Variants in ATP8B4 observed in about 807,000 individuals in gnomAD.
ATP8B4 encodes probable phospholipid-transporting ATPase IM.
ATP8B4 carries 133 observed loss-of-function variants against 145.6 expected under a neutral mutation model. That is an observed-to-expected ratio of 0.91 (90% CI 0.79 to 1.05). The LOEUF (loss-of-function observed/expected upper bound fraction) is 1.05, where lower values mean the gene tolerates loss of function less well. Ranked by LOEUF, ATP8B4 falls within the 50% of genes least tolerant of loss-of-function variation. ATP8B4 has a pLI of 0.00. For missense variants in ATP8B4, 1,458 were observed against 1,425.2 expected (o/e 1.02, Z -0.37); for synonymous variants, 507 against 492.9 (o/e 1.03, Z -0.38).
In ATP8B4 at chr15:50,144,373, A is replaced by G. The variant is rs557040255; in HGVS notation, c.-42-37365T>C. Among the ~76,000 whole-genome samples the G allele has an allele frequency of 9.8e-5, 15 of 152,354 alleles. No homozygotes were observed. In the South Asian group the frequency reaches 3.1e-3, roughly 32 times the overall value. ...TGTAAAGAAATACCTGAGACTGGGT[A>G]ATTTGTAAAGAAAAGAGGTTTGATT... is the stretch of plus-strand genomic sequence containing the variant. On this transcript the variant is annotated intron_variant, in intron 1 of 3. Coordinates refer to the ATP8B4 transcript ENST00000558829.
chr15:49,914,807 A>T (rs1446578238), intron 20 of ATP8B4, among the ~76,000 whole-genome samples: 2 of 152,176 alleles, frequency 1.3e-5, no homozygotes, highest in South Asian at 2.1e-4. Flanking sequence ...TTAAATAAAT[A>T]AATTAATAAA....
chr15:49,908,147 A>G (rs1328564289), intron 20 of ATP8B4: 2 of 455,180 alleles, frequency 4.4e-6, no homozygotes, highest in Non-Finnish European at 8.8e-6. Context: ...TGTACTGCCT[A>G]CAATACTCTT....
intron 26 of ATP8B4, 67 bp from the exon 27 acceptor site, chr15:49,862,442 C>T (rs2032002306): frequency 1.4e-6 from 2 of 1,479,174 alleles, no homozygotes; most frequent in African/African-American, 2.8e-5. Context: ...TTAATAGGTT[C>T]TTTGTTCCTA....
intron 13 of ATP8B4, among the ~76,000 whole-genome samples, chr15:49,963,931 C>G (rs2044309530): frequency 6.6e-6 from 1 of 152,008 alleles, no homozygotes; most frequent in Admixed American, 6.6e-5. Context: ...TTACTTGAAT[C>G]AACCTGTGCC....
chr15:50,019,744 CTTTA>C (rs2049382164), intron 6 of ATP8B4, among the ~76,000 whole-genome samples: 1 of 152,156 alleles, frequency 6.6e-6, no homozygotes, highest in Admixed American at 6.5e-5. Context: ...TCAGTCTTCA[CTTTA>C]TTTATCACAG....
chr15:50,016,098 C>T (rs1267836790), intron 6 of ATP8B4, among the ~76,000 whole-genome samples: 3 of 152,200 alleles, frequency 2.0e-5, no homozygotes, highest in Non-Finnish European at 2.9e-5. Context: ...GAAATAGACA[C>T]ACAATTTAGT....
At chr15:49,899,572 T>C (rs1303293682) in intron 21 of ATP8B4, among the ~76,000 whole-genome samples, 1 of 152,168 alleles carries the variant, frequency 6.6e-6, no homozygotes, top group East Asian at 1.9e-4. Flanking sequence ...CATTTTCAAA[T>C]ATTACCACTC....
At chr15:50,119,435 GA>G, upstream of ATP8B4, 1 of 152,482 alleles carries the variant, frequency 6.6e-6, no homozygotes, top group Non-Finnish European at 1.5e-5. Flanking sequence ...AATTGAGGGA[GA>G]AAAGCACTCC....
chr15:50,010,739 A>G, intron 7 of ATP8B4, 106 bp downstream of exon 7: 1 of 663,552 alleles, frequency 1.5e-6, no homozygotes, highest in South Asian at 2.7e-5. Flanking sequence ...ACTGATGATA[A>G]TTATTCTGGA....
intron 23 of ATP8B4, among the ~76,000 whole-genome samples, chr15:49,889,678 A>G (rs920141993): frequency 4.6e-5 from 7 of 152,324 alleles, no homozygotes; most frequent in African/African-American, 7.2e-5. Context: ...AGGATGGGGC[A>G]TTGGCTGGAA....
At chr15:50,157,763 T>C (rs1356563997) in intron 1 of ATP8B4, among the ~76,000 whole-genome samples, 11 of 152,012 alleles carry the variant, frequency 7.2e-5, no homozygotes, top group African/African-American at 2.2e-4. Flanking sequence ...CTCCCCACGG[T>C]CTCCCTCTCC....
intron 1 of ATP8B4, among the ~76,000 whole-genome samples, chr15:50,156,064 AAAT>A (rs1466466487): frequency 0.035 from 835 of 23,550 alleles, 33 homozygotes; most frequent in African/African-American, 0.082. Flanking sequence ...GGTAATAAAT[AAAT>A]AAATAAATAT....
At chr15:50,152,735 A>T (rs1423867753) in intron 1 of ATP8B4, among the ~76,000 whole-genome samples, 1 of 152,236 alleles carries the variant, frequency 6.6e-6, no homozygotes, top group East Asian at 1.9e-4. Context: ...CAGAGCGATA[A>T]TCAAAAGATT....
intron 20 of ATP8B4, among the ~76,000 whole-genome samples, chr15:49,905,234 T>G (rs2153436832): frequency 6.6e-6 from 1 of 152,344 alleles, no homozygotes; most frequent in Middle Eastern, 3.4e-3. Flanking sequence ...TATGAAATAA[T>G]CTAAGCACAT....
intron 8 of ATP8B4, among the ~76,000 whole-genome samples, chr15:50,000,640 C>A (rs984207682): frequency 1.3e-5 from 2 of 152,028 alleles, no homozygotes; most frequent in African/African-American, 4.8e-5. Context: ...ATATTTTCTT[C>A]CAGTCTGTAA....
chr15:50,032,944 A>G (rs2050561523), intron 6 of ATP8B4, among the ~76,000 whole-genome samples: 1 of 152,186 alleles, frequency 6.6e-6, no homozygotes, highest in South Asian at 2.1e-4. Context: ...GCTTTTATAA[A>G]GGAAAAAAAT....
chr15:49,892,611 G>A (rs2036951134), intron 23 of ATP8B4, among the ~76,000 whole-genome samples: 1 of 152,152 alleles, frequency 6.6e-6, no homozygotes, highest in African/African-American at 2.4e-5. Context: ...TGCTATAGAA[G>A]CATCCATTCC....
intron 6 of ATP8B4, among the ~76,000 whole-genome samples, chr15:50,022,039 A>C (rs1049658199): frequency 6.6e-6 from 1 of 152,206 alleles, no homozygotes; most frequent in Non-Finnish European, 1.5e-5. Context: ...TTGTAAGGCA[A>C]AGGATATCAG....
At chr15:49,965,089 A>AG (rs2044407199) in intron 13 of ATP8B4, among the ~76,000 whole-genome samples, 10 of 152,202 alleles carry the variant, frequency 6.6e-5, no homozygotes, top group Non-Finnish European at 1.2e-4. Flanking sequence ...TAATACATTG[A>AG]TATAACAATG....
Sources: gnomAD v4.1 joint callset for allele counts (sites outside exome capture counted in the v4.1 genomes callset) on GRCh38, gnomAD v4.1.1 for gene constraint, MANE v1.5 for transcripts, NCBI Gene and HGNC (gene_info 2026-07-23, HGNC 2026-07-21) for gene names.